PKD2L2: variants seen among roughly 807,000 people sequenced by gnomAD.
The protein encoded by PKD2L2 is polycystin 2 like 2, transient receptor potential cation channel, also known as polycystin-2-like protein 2.
Under a neutral mutation model 83.9 loss-of-function variants are expected in PKD2L2, and 67 were observed. The observed-to-expected ratio is 0.80, with a 90% CI of 0.66 to 0.98. PKD2L2 has a LOEUF of 0.98. Among genes scored for constraint, PKD2L2 ranks in the 50% least tolerant of loss-of-function variants. The pLI is 0.00. For missense variants in PKD2L2, 632 were observed against 717.2 expected (o/e 0.88, Z 1.36); for synonymous variants, 223 against 237.8 (o/e 0.94, Z 0.57).
At position 137,891,688 on chromosome 5, in the gene PKD2L2, ATTTTTTTTCTT is replaced by A. The variant is rs575128027; in HGVS notation, c.134-776_134-766del. 7.3e-5 allele frequency among the ~76,000 whole-genome samples: 11 copies of A among 150,868 alleles called. No homozygotes were observed. The South Asian group carries it at 2.1e-3, about 29-fold the overall frequency. On this transcript the variant is annotated intron_variant, in intron 2 of 14. Transcript: ENST00000508883. ...AACCTGAATCTCCATTTATAATGTG[ATTTTTTTTCTT>A]TTTTTTTTCTTTTTTGAGACAGTCT...
intron 1 of PKD2L2, chr5:137,890,155 C>T (rs559753039): frequency 1.1e-3 from 209 of 188,506 alleles, no homozygotes; most frequent in Non-Finnish European, 1.8e-3. Context: ...TGGTGGCGCG[C>T]GCCTGTAGTC....
At chr5:137,894,685 A>G (rs1561674501) in intron 4 of PKD2L2, 76 bp downstream of exon 4, 1 of 1,154,904 alleles carries the variant, frequency 8.7e-7, no homozygotes, top group Non-Finnish European at 1.2e-6. Flanking sequence ...TCTTCCAAGT[A>G]ACACCAGCTG....
At chr5:137,896,937 T>A (rs2150005176) in intron 4 of PKD2L2, among the ~76,000 whole-genome samples, 1 of 149,890 alleles carries the variant, frequency 6.7e-6, no homozygotes, top group South Asian at 2.1e-4. Context: ...TTTTTTTTTT[T>A]AACTTGTTTC....
chr5:137,942,443 C>T lies in PKD2L2; in HGVS notation c.*77C>T, dbSNP rs139517866. 276 of 216,808 alleles carry T rather than the reference C, an allele frequency of 1.3e-3. 4 individuals are homozygous for T. The Middle Eastern group carries it at 0.021, about 16-fold the overall frequency. 13.4% of individuals were successfully genotyped at this position (216,808 alleles called of 1,614,324 possible). A position where few individuals can be genotyped will look rare whatever the true frequency, so the allele number is the denominator to read the frequency against. On this transcript the variant is annotated 3_prime_UTR_variant, in exon 15 of 15. Transcript: ENST00000508883. ...AGCGGTGCGACAGTGGCCTCAACAT[C>T]CTCCAAACAGAGAATCAAGTGATCC...
intron 10 of PKD2L2, among the ~76,000 whole-genome samples, chr5:137,924,661 C>CA (rs1759223587): frequency 6.6e-6 from 1 of 152,084 alleles, no homozygotes; most frequent in East Asian, 1.9e-4. Flanking sequence ...TAAAACAAAC[C>CA]AAAAAAACTG....
chr5:137,890,931 C>T (rs1374576899), intron 2 of PKD2L2, among the ~76,000 whole-genome samples: 2 of 152,154 alleles, frequency 1.3e-5, no homozygotes, highest in African/African-American at 4.8e-5. Flanking sequence ...CATATAGACA[C>T]ATCAGCTGAG....
At chr5:137,929,475 G>A (rs1484983516) in intron 12 of PKD2L2, among the ~76,000 whole-genome samples, 2 of 47,078 alleles carry the variant, frequency 4.2e-5, no homozygotes. Flanking sequence ...AAAAAAAAAA[G>A]ATATACAAAG....
chr5:137,899,668 G>A lies in PKD2L2; in HGVS notation c.677G>A (p.Arg226Lys). Residue 226 changes from arginine (R) to lysine (K), a missense_variant, in exon 5 of 15, where the codon AGA (arginine) becomes AAA (lysine). Arg to Lys is a conservative substitution (Grantham distance 26). Coordinates refer to ENST00000508883, the MANE Select transcript of PKD2L2 (RefSeq NM_001300921.2). ...CTTCGACTGAACAGCTGGATCACAA[G>A]AGGGACTAGAGTTATTTTTATTGAT... ...IDLRLNSWIT[R>K]GTRVIFIDFS... is the part of the protein sequence containing the mutation. 6.2e-7 allele frequency: 1 copy of A among 1,613,264 alleles called. No homozygotes were observed. The highest frequency in any genetic ancestry group is 8.5e-7 in the Non-Finnish European group (1 of 1,179,256).
intron 5 of PKD2L2, among the ~76,000 whole-genome samples, chr5:137,904,042 C>T (rs1167067742): frequency 6.6e-6 from 1 of 152,188 alleles, no homozygotes; most frequent in Non-Finnish European, 1.5e-5. Context: ...AGACGTGAGC[C>T]ACCCCGCCCA....
rs1758927134 is a variant in PKD2L2 at position 137,921,741 on chromosome 5, GTTCT to G, written c.1437_1440del (p.Phe479LeufsTer4). Reference sequence around the variant, plus strand: ...ACTTCATCACTTTCATCTTTTTTGTGTTCTTTGTCCTGCTGGTAAGAATAATACA... The same window carrying G: ...ACTTCATCACTTTCATCTTTTTTGTGTTGTCCTGCTGGTAAGAATAATACA... On this transcript the variant is annotated frameshift_variant, in exon 9 of 15. Coordinates refer to ENST00000508883, the MANE Select transcript of PKD2L2 (RefSeq NM_001300921.2). LOFTEE classifies it high-confidence loss of function. 6.2e-7 allele frequency: 1 copy of G among 1,606,554 alleles called. No homozygotes were observed. Among genetic ancestry groups the G allele is most frequent in the Non-Finnish European group, 8.5e-7 (1 of 1,175,454 alleles).
chr5:137,937,130 C>T (rs191224874), intron 14 of PKD2L2, among the ~76,000 whole-genome samples: 19 of 152,188 alleles, frequency 1.2e-4, no homozygotes, highest in Admixed American at 5.2e-4. Flanking sequence ...ATTCCTTTGG[C>T]CACAGATAAA....
Position 137,921,732 on chromosome 5 carries a change from CTT to C in PKD2L2, c.1430_1431del (p.Phe477CysfsTer14). 6.2e-7 allele frequency: 1 copy of C among 1,607,756 alleles called. No individual in the cohort carries two copies. The highest frequency in any genetic ancestry group is 8.5e-7 in the Non-Finnish European group (1 of 1,175,724). ...LGPIYFITFI[F>X]FVFFVLLNMF... is the part of the protein sequence containing the mutation. ...GACCCATTTACTTCATCACTTTCAT[CTT>C]TTTTGTGTTCTTTGTCCTGCTGGTA... On this transcript the variant is annotated frameshift_variant, in exon 9 of 15. Transcript: ENST00000508883. LOFTEE classifies it high-confidence loss of function.
rs540647716 is a variant in PKD2L2, at chr5:137,936,145, T to G, written c.1785-175T>G. ...AACTGCCATCTATATTTGATTTGCATAACAGATCCTGTTCTCCACATAGCT... is the reference window on the plus strand; with the variant it reads ...AACTGCCATCTATATTTGATTTGCAGAACAGATCCTGTTCTCCACATAGCT... On this transcript the variant is annotated intron_variant, in intron 13 of 14. Transcript: ENST00000508883. 9.2e-5 allele frequency among the ~76,000 whole-genome samples: 14 copies of G among 152,330 alleles called. No individual in the cohort carries two copies. In the East Asian group the frequency reaches 2.7e-3, roughly 29 times the overall value.
At chr5:137,909,280 C>T (rs1249781751) in intron 8 of PKD2L2, among the ~76,000 whole-genome samples, 1 of 152,034 alleles carries the variant, frequency 6.6e-6, no homozygotes, top group Non-Finnish European at 1.5e-5. Context: ...CCTCCTGCCT[C>T]GGCCTCCCAA....
chr5:137,930,038 T>C (rs1393772959), intron 12 of PKD2L2, among the ~76,000 whole-genome samples: 2 of 152,044 alleles, frequency 1.3e-5, no homozygotes, highest in Non-Finnish European at 2.9e-5. Flanking sequence ...TAAAGATTAC[T>C]GGATTTTAAA....
intron 8 of PKD2L2, among the ~76,000 whole-genome samples, chr5:137,910,289 T>C (rs149731364): frequency 1.3e-5 from 2 of 150,316 alleles, no homozygotes; most frequent in Admixed American, 6.6e-5. Flanking sequence ...TTGGTAATAA[T>C]TGGCATTGAA....
At position 137,923,425 on chromosome 5, in the gene PKD2L2, G is replaced by C; in HGVS notation, c.1455G>C (p.Met485Ile). The C allele has an allele frequency of 7.3e-7, 1 of 1,372,262 alleles. No homozygotes were observed. The highest frequency in any genetic ancestry group is 1.0e-6 in the Non-Finnish European group (1 of 961,368). 85.0% of individuals were successfully genotyped at this position (1,372,262 alleles called of 1,614,324 possible). ...IFFVFFVLLN[M>I]FLAIINDTYS... is the part of the protein sequence containing the mutation. ...ATTTGAATACTTATCCCTAGAATAT[G>C]TTCTTGGCAATTATTAATGATACCT... Residue 485 changes from methionine to isoleucine, a missense_variant, in exon 10 of 15, where the codon ATG (methionine) becomes ATC (isoleucine). Physicochemically the swap from Met to Ile is conservative, Grantham distance 10. This residue lies in a region of PKD2L2 where 399 missense variants were observed against 416.9 expected (regional missense o/e 0.96). Transcript: ENST00000508883.
At chr5:137,892,692 A>G (rs896243387) in intron 3 of PKD2L2, 79 bp downstream of exon 3, 19 of 1,070,238 alleles carry the variant, frequency 1.8e-5, no homozygotes, top group Non-Finnish European at 2.4e-5. Flanking sequence ...GCACTCAATG[A>G]ATATCTTTTG....
chr5:137,940,319 A>C, intron 14 of PKD2L2: 1 of 1,607,406 alleles, frequency 6.2e-7, no homozygotes, highest in Non-Finnish European at 8.5e-7. Flanking sequence ...CTCCTCAAGC[A>C]CTGGAACACG....
Sources: gnomAD v4.1 joint callset for allele counts (sites outside exome capture counted in the v4.1 genomes callset) on GRCh38, gnomAD v4.1.1 for gene constraint, gnomAD v4.1.1 regional missense constraint, MANE v1.5 for transcripts, NCBI Gene and HGNC (gene_info 2026-07-23, HGNC 2026-07-21) for gene names.